MSH3: variants seen among roughly 807,000 people sequenced by gnomAD.
The protein encoded by MSH3 is mutS homolog 3.
In MSH3, 106 loss-of-function variants were observed where a neutral mutation model predicts 123.3. The ratio of observed to expected loss-of-function variants is 0.86; its 90% CI spans 0.73 to 1.01. The LOEUF (loss-of-function observed/expected upper bound fraction) is 1.01. Ranked by LOEUF, MSH3 falls within the 50% of genes least tolerant of loss-of-function variation. The pLI, the probability that MSH3 is intolerant of heterozygous loss-of-function variation, is 0.00. For synonymous variants in MSH3, 515 were observed against 481.4 expected, an observed-to-expected ratio of 1.07 and a Z score of -0.91; for missense variants, 1,459 against 1,347.6, an observed-to-expected ratio of 1.08 and a Z score of -1.29.
At chr5:80,727,723 C>T (rs1743327118) in intron 9 of MSH3, among the ~76,000 whole-genome samples, 1 of 151,978 alleles carries the variant, frequency 6.6e-6, no homozygotes, top group African/African-American at 2.4e-5. Flanking sequence ...GACAAAAATT[C>T]CTGCTCTTTT....
chr5:80,751,192 G>A (rs564096123), intron 12 of MSH3, among the ~76,000 whole-genome samples: 1 of 152,102 alleles, frequency 6.6e-6, no homozygotes, highest in Non-Finnish European at 1.5e-5. Context: ...GTAGTTTGAG[G>A]CATTAACAGG....
chr5:80,747,143 T>C (rs1262553535), intron 12 of MSH3, among the ~76,000 whole-genome samples: 2 of 152,186 alleles, frequency 1.3e-5, no homozygotes, highest in Non-Finnish European at 2.9e-5. Flanking sequence ...GGATGCAGCA[T>C]TGTGGCTGCT....
intron 8 of MSH3, among the ~76,000 whole-genome samples, chr5:80,711,357 C>G (rs1750854212): frequency 6.6e-6 from 1 of 152,188 alleles, no homozygotes; most frequent in Admixed American, 6.5e-5. Context: ...CCTACATCTG[C>G]TTTTAGTTTT....
chr5:80,748,392 A>G (rs942589727), intron 12 of MSH3, among the ~76,000 whole-genome samples: 4 of 152,138 alleles, frequency 2.6e-5, no homozygotes, highest in African/African-American at 9.7e-5. Flanking sequence ...TACTTTACTT[A>G]TTGACTGATT....
At chr5:80,778,863 C>A in intron 17 of MSH3, 27 bp downstream of exon 17, 1 of 1,291,798 alleles carries the variant, frequency 7.7e-7, no homozygotes, top group Non-Finnish European at 1.1e-6. Context: ...AAAATATAAT[C>A]TGACTTTTTG....
At chr5:80,808,873 A>ATC (rs1554074172) in intron 19 of MSH3, among the ~76,000 whole-genome samples, 18 of 137,038 alleles carry the variant, frequency 1.3e-4, no homozygotes, top group South Asian at 4.5e-4. Flanking sequence ...ATATATATAT[A>ATC]TATATATATA....
chr5:80,748,713 CA>C, intron 12 of MSH3, among the ~76,000 whole-genome samples: 1 of 151,436 alleles, frequency 6.6e-6, no homozygotes, highest in South Asian at 2.1e-4. Flanking sequence ...CACACACACA[CA>C]CACACACACA....
intron 19 of MSH3, among the ~76,000 whole-genome samples, chr5:80,806,927 G>C (rs973855509): frequency 6.6e-6 from 1 of 152,080 alleles, no homozygotes; most frequent in Non-Finnish European, 1.5e-5. Flanking sequence ...TGCTGGCTGG[G>C]TATGGAGGCT....
Position 80,654,707 on chromosome 5 carries a change from G to A in MSH3, c.-21G>A. On this transcript the variant is annotated 5_prime_UTR_variant, in exon 1 of 24. Coordinates refer to ENST00000265081, the MANE Select transcript of MSH3 (RefSeq NM_002439.5). ...CGCTCCTCGCCAGGCCCTGCCGCCG[G>A]GCTGCCATCCTTGCCCTGCCATGTC... 2 of 1,583,016 alleles carry A rather than the reference G, an allele frequency of 1.3e-6. No individual in the cohort carries two copies. The highest frequency in any genetic ancestry group is 1.7e-6 in the Non-Finnish European group (2 of 1,167,750).
At chr5:80,870,425 CTT>C (rs1746193523) in intron 22 of MSH3, among the ~76,000 whole-genome samples, 1 of 152,054 alleles carries the variant, frequency 6.6e-6, no homozygotes, top group Non-Finnish European at 1.5e-5. Context: ...TAAGAAATGG[CTT>C]TTTTTGATTG....
intron 17 of MSH3, among the ~76,000 whole-genome samples, chr5:80,787,137 G>A (rs950517988): frequency 2.6e-5 from 4 of 152,198 alleles, no homozygotes; most frequent in African/African-American, 7.2e-5. Flanking sequence ...AGTTTAGTGT[G>A]AGAGAAAGGT....
intron 21 of MSH3, among the ~76,000 whole-genome samples, chr5:80,857,949 G>A (rs926879008): frequency 2.0e-5 from 3 of 152,028 alleles, no homozygotes; most frequent in Middle Eastern, 3.4e-3. Flanking sequence ...TCTTTCTGGT[G>A]TCCTAAGATA....
intron 20 of MSH3, among the ~76,000 whole-genome samples, chr5:80,826,699 C>T (rs1464383928): frequency 6.6e-6 from 1 of 152,038 alleles, no homozygotes; most frequent in African/African-American, 2.4e-5. Context: ...CAGGCATGTG[C>T]CACCACGCCC....
chr5:80,799,639 A>C (rs1744758661), intron 19 of MSH3, among the ~76,000 whole-genome samples: 1 of 149,630 alleles, frequency 6.7e-6, no homozygotes, highest in African/African-American at 2.5e-5. Flanking sequence ...ACTGTCCATT[A>C]TTCTAGTGTA....
At chr5:80,679,302 A>G (rs1432375187) in intron 8 of MSH3, among the ~76,000 whole-genome samples, 1 of 151,988 alleles carries the variant, frequency 6.6e-6, no homozygotes, top group Non-Finnish European at 1.5e-5. Context: ...GAGGCTGAGG[A>G]GGAAGGATTG....
At chr5:80,661,839 T>G (rs1749440636) in intron 2 of MSH3, among the ~76,000 whole-genome samples, 1 of 152,208 alleles carries the variant, frequency 6.6e-6, no homozygotes, top group Non-Finnish European at 1.5e-5. Flanking sequence ...TTGGATCACT[T>G]TGGTCTTTTT....
intron 12 of MSH3, among the ~76,000 whole-genome samples, chr5:80,759,702 GAATGAGTTGGAA>G (rs2112878590): frequency 6.6e-6 from 1 of 152,304 alleles, no homozygotes; most frequent in African/African-American, 2.4e-5. Context: ...GCAGTGTGGA[GAATGAGTTGGAA>G]AAAGGAATGG....
chr5:80,735,447 G>T (rs1193062642), intron 10 of MSH3, among the ~76,000 whole-genome samples: 1 of 151,102 alleles, frequency 6.6e-6, no homozygotes, highest in African/African-American at 2.4e-5. Context: ...AGCGCTTTGG[G>T]AGGTCAAGGC....
At chr5:80,785,179 A>C (rs1376626557) in intron 17 of MSH3, among the ~76,000 whole-genome samples, 34 of 152,194 alleles carry the variant, frequency 2.2e-4, no homozygotes, top group Admixed American at 2.2e-3. Flanking sequence ...TACAATAGAG[A>C]AATGTTTTTA....
Sources: allele counts gnomAD v4.1 joint callset (sites outside exome capture counted in the v4.1 genomes callset), GRCh38; gene constraint gnomAD v4.1.1; transcripts MANE v1.5; gene names NCBI Gene and HGNC (gene_info 2026-07-23, HGNC 2026-07-21).